Variants in GPHN observed in about 807,000 individuals in gnomAD.
GPHN encodes the protein gephyrin.
A neutral mutation model predicts 95.5 loss-of-function variants in GPHN; 17 were observed. The observed-to-expected ratio is 0.18, with a 90% confidence interval of 0.12 to 0.27. The LOEUF (loss-of-function observed/expected upper bound fraction) is 0.27, where lower values mean the gene tolerates loss of function less well. GPHN is among the 10% of genes least tolerant of loss of function. The pLI, the probability that GPHN is intolerant of heterozygous loss-of-function variation, is 1.00. For missense variants in GPHN, 660 were observed against 978.1 expected (o/e 0.67, Z 4.34); for synonymous variants, 320 against 322.5 (o/e 0.99, Z 0.08).
the GPHN span, among the ~76,000 whole-genome samples, chr14:67,612,220 A>G: frequency 6.6e-6 from 1 of 152,208 alleles, no homozygotes; most frequent in African/African-American, 2.4e-5. Flanking sequence ...GTACCAGTGA[A>G]TGGCCCAGGG....
the GPHN span, chr14:67,656,504 C>A: frequency 6.2e-7 from 1 of 1,613,892 alleles, no homozygotes; most frequent in Non-Finnish European, 8.5e-7. Flanking sequence ...TGTGGCAATC[C>A]GATGAGAACG....
intron 1 of GPHN, among the ~76,000 whole-genome samples, chr14:66,522,536 C>G (rs868656457): frequency 6.6e-6 from 1 of 152,040 alleles, no homozygotes; most frequent in Non-Finnish European, 1.5e-5. Flanking sequence ...CTAGTGCTTC[C>G]AAATTTATTT....
At chr14:66,755,073 A>C (rs1566908615) in intron 2 of GPHN, among the ~76,000 whole-genome samples, 1 of 152,050 alleles carries the variant, frequency 6.6e-6, no homozygotes, top group African/African-American at 2.4e-5. Context: ...TTAAATTTCT[A>C]ATAAATCTTT....
In GPHN at chr14:66,901,783, G is replaced by A. The variant is rs138763506; in HGVS notation, c.390-14220G>A. 5.4e-3 allele frequency among the ~76,000 whole-genome samples: 818 copies of A among 152,078 alleles called. 3 individuals carry two copies. Among genetic ancestry groups the A allele is most frequent in the Non-Finnish European group, 9.8e-3 (663 of 67,934 alleles). On this transcript the variant is annotated intron_variant, in intron 5 of 22. Transcript: ENST00000478722. Reference sequence around the variant, plus strand: ...TTGATTTGGTTACTATAGCTTTGTAGTATATTTTGGAGTCAGGTCATGTGA... The same window carrying A: ...TTGATTTGGTTACTATAGCTTTGTAATATATTTTGGAGTCAGGTCATGTGA...
At chr14:67,312,618 T>C in the GPHN span, 1 of 1,613,854 alleles carries the variant, frequency 6.2e-7, no homozygotes, top group Non-Finnish European at 8.5e-7. Flanking sequence ...AAAGGTGATA[T>C]ACTTCATGTG....
At chr14:67,551,573 G>A in the GPHN span, among the ~76,000 whole-genome samples, 1 of 152,120 alleles carries the variant, frequency 6.6e-6, no homozygotes, top group Admixed American at 6.5e-5. Context: ...CCTCTTAGCT[G>A]TGCCATTCTC....
chr14:67,111,663 A>G (rs367679107), intron 14 of GPHN, among the ~76,000 whole-genome samples, 198 bp from the exon 15 acceptor site: 11 of 152,248 alleles, frequency 7.2e-5, no homozygotes, highest in African/African-American at 2.6e-4. Context: ...AAAATTTTTT[A>G]TTTATTGGCA....
chr14:66,875,973 C>T lies in GPHN; in HGVS notation c.295-3966C>T, dbSNP rs1006112594. On this transcript the variant is annotated intron_variant, in intron 4 of 22. Transcript: ENST00000478722. ...ACATTCTTCTGAGCACCACATCACA[C>T]GTATTCTAAAATTGAGAACATAATT... is the stretch of plus-strand genomic sequence containing the variant. Among the ~76,000 whole-genome samples the T allele has an allele frequency of 6.6e-5, 10 of 152,146 alleles. No individual in the cohort carries two copies. In the East Asian group the frequency reaches 1.2e-3, roughly 18 times the overall value.
At chr14:67,300,332 T>C in the GPHN span, among the ~76,000 whole-genome samples, 4 of 137,608 alleles carry the variant, frequency 2.9e-5, no homozygotes, top group African/African-American at 1.3e-4. Context: ...GTATTATGAA[T>C]TACCTTTTTT....
Position 67,165,056 on chromosome 14 carries a change from G to C in GPHN, c.1911-106G>C, listed in dbSNP as rs997789488. On this transcript the variant is annotated intron_variant, in intron 19 of 22. Coordinates refer to ENST00000478722, the MANE Select transcript of GPHN (RefSeq NM_020806.5). ...GATGTAAAGGCAAGTCAACAGAAAA[G>C]TGTTTTTTATATGATAAGTGTATGG... 5.5e-5 allele frequency: 43 copies of C among 775,596 alleles called. No individual in the cohort carries two copies. The East Asian group carries it at 9.5e-4, about 17-fold the overall frequency. The allele number at this position is 775,596 out of a possible 1,614,324, so 48.0% of individuals were successfully genotyped here.
intron 4 of GPHN, among the ~76,000 whole-genome samples, chr14:66,853,503 A>T (rs1445278359): frequency 1.3e-5 from 2 of 152,214 alleles, no homozygotes; most frequent in African/African-American, 4.8e-5. Context: ...CCTCACAATG[A>T]TGGCTGAAGA....
At chr14:67,727,111 C>CT in the GPHN span, 16 of 1,614,222 alleles carry the variant, frequency 9.9e-6, no homozygotes, top group Non-Finnish European at 1.4e-5. Context: ...GCGAGAAGCG[C>CT]TACAGCAGGG....
chr14:67,187,665 C>T, the GPHN span, among the ~76,000 whole-genome samples: 1 of 152,284 alleles, frequency 6.6e-6, no homozygotes, highest in Non-Finnish European at 1.5e-5. Flanking sequence ...GCTCTTCTTC[C>T]GTGAACTTCA....
At chr14:67,265,907 C>T in the GPHN span, among the ~76,000 whole-genome samples, 3 of 150,694 alleles carry the variant, frequency 2.0e-5, no homozygotes, top group African/African-American at 7.3e-5. Flanking sequence ...AGGACATTTG[C>T]ACTTGGTCTT....
the GPHN span, among the ~76,000 whole-genome samples, chr14:67,245,657 T>C: frequency 6.6e-6 from 1 of 152,180 alleles, no homozygotes; most frequent in Non-Finnish European, 1.5e-5. Context: ...AAAAGTTTTA[T>C]ATAGTCCTTT....
chr14:67,620,840 G>GT, the GPHN span: 11 of 1,596,960 alleles, frequency 6.9e-6, no homozygotes, highest in Non-Finnish European at 8.6e-6. Flanking sequence ...TACCAAATGG[G>GT]TTTTTTTCCG....
Position 66,540,859 on chromosome 14 carries a change from C to T in GPHN, c.64+32268C>T, listed in dbSNP as rs148283685. On this transcript the variant is annotated intron_variant, in intron 1 of 22. Transcript: ENST00000478722. ...TGTGATCTCGGCTCACTGCAGCCTC[C>T]ACTTCCTGGGTTCAAGTGATCCTCA... 3.6e-3 allele frequency among the ~76,000 whole-genome samples: 546 copies of T among 151,246 alleles called. 1 individual carries two copies. The highest frequency in any genetic ancestry group is 0.013 in the African/African-American group (530 of 41,160).
chr14:66,795,795 G>T (rs569807992), intron 3 of GPHN, among the ~76,000 whole-genome samples: 1 of 151,924 alleles, frequency 6.6e-6, no homozygotes, highest in South Asian at 2.1e-4. Flanking sequence ...ATGGAAATGG[G>T]GTATCAATCC....
intron 1 of GPHN, among the ~76,000 whole-genome samples, chr14:66,538,044 C>T (rs2059205429): frequency 6.6e-6 from 1 of 152,148 alleles, no homozygotes; most frequent in African/African-American, 2.4e-5. Context: ...GTTGACCAGG[C>T]TGGTCTCAAA....
Sources: allele counts gnomAD v4.1 joint callset (sites outside exome capture counted in the v4.1 genomes callset), GRCh38; gene constraint gnomAD v4.1.1; transcripts MANE v1.5; gene names NCBI Gene and HGNC (gene_info 2026-07-23, HGNC 2026-07-21).